The following PTPN3 variants were observed in gnomAD, a reference collection of about 807,000 sequenced individuals.
PTPN3 encodes protein tyrosine phosphatase non-receptor type 3.
A neutral mutation model predicts 132.7 loss-of-function variants in PTPN3; 96 were observed. That is an observed-to-expected ratio of 0.72 (90% confidence interval 0.61 to 0.86). The LOEUF is 0.86. Among genes scored for constraint, PTPN3 ranks in the 40% least tolerant of loss-of-function variants. The pLI is 0.00. For synonymous variants in PTPN3, 398 were observed against 429.0 expected (o/e 0.93, Z 0.89); for missense variants, 1,125 against 1,159.6 (o/e 0.97, Z 0.43).
chr9:109,438,629 C>T (rs759880551), intron 7 of PTPN3, among the ~76,000 whole-genome samples: 14 of 152,222 alleles, frequency 9.2e-5, no homozygotes, highest in East Asian at 3.8e-4. Flanking sequence ...ATGCCACACA[C>T]GGTGCAGGCT....
At chr9:109,523,631 G>T in the PTPN3 span, among the ~76,000 whole-genome samples, 1 of 152,282 alleles carries the variant, frequency 6.6e-6, no homozygotes, top group Non-Finnish European at 1.5e-5. Context: ...TTGTTGCTAT[G>T]TTGTGTGGCC....
chr9:109,410,319 A>C lies in PTPN3; in HGVS notation c.1410T>G (p.Pro470=). The C allele has an allele frequency of 1.2e-6, 2 of 1,614,224 alleles. No homozygotes were observed. The highest frequency in any genetic ancestry group is 1.7e-6 in the Non-Finnish European group (2 of 1,180,032). Reference sequence around the variant, plus strand: ...CTAAGAGCTGCTGATCAACGCCGTCAGGTGAGCAGGAGCCTGGAGCATTTG... The same window carrying C: ...CTAAGAGCTGCTGATCAACGCCGTCCGGTGAGCAGGAGCCTGGAGCATTTG... The part of the protein sequence containing the change: ...PSSNAPGSCS[P]DGVDQQLLDD... Residue 470 remains proline, a synonymous_variant, in exon 15 of 26, where the codon CCT becomes CCG. Coordinates refer to ENST00000374541, the MANE Select transcript of PTPN3 (RefSeq NM_002829.4).
intron 5 of PTPN3, chr9:109,450,522 A>G: frequency 1.0e-6 from 1 of 985,218 alleles, no homozygotes; most frequent in Non-Finnish European, 1.2e-6. Context: ...GCCTTGTCAT[A>G]TATTGAGCAA....
At chr9:109,496,185 T>G (rs1305069233) in intron 1 of PTPN3, among the ~76,000 whole-genome samples, 1 of 152,228 alleles carries the variant, frequency 6.6e-6, no homozygotes, top group Non-Finnish European at 1.5e-5. Flanking sequence ...CTACTCTAAT[T>G]CTCTGCAAAT....
intron 2 of PTPN3, among the ~76,000 whole-genome samples, chr9:109,458,151 C>T (rs1320314024): frequency 1.3e-5 from 2 of 152,138 alleles, no homozygotes; most frequent in African/African-American, 4.8e-5. Flanking sequence ...CAAAGGCCGT[C>T]GAGGGCTGTG....
intron 1 of PTPN3, among the ~76,000 whole-genome samples, chr9:109,476,174 T>C (rs1029143665): frequency 4.6e-5 from 7 of 152,120 alleles, no homozygotes; most frequent in African/African-American, 1.7e-4. Flanking sequence ...AGTGTGCCCC[T>C]AGAAACCATA....
At chr9:109,420,723 A>G (rs1038332370) in intron 13 of PTPN3, 123 bp from the exon 14 acceptor site, 1 of 1,043,286 alleles carries the variant, frequency 9.6e-7, no homozygotes, top group African/African-American at 1.6e-5. Flanking sequence ...GGAGGCTGAC[A>G]TTCAGAGCCG....
At position 109,376,113 on chromosome 9, in the gene PTPN3, A is replaced by G. The variant is rs1262615707; in HGVS notation, c.*3443T>C. ...TGTAGCAGCCATAAAGCTTTGGTTT[A>G]GGATTAATTTTGATTCTCTGGAATA... On this transcript the variant is annotated 3_prime_UTR_variant, in exon 26 of 26. Transcript: ENST00000374541. The G allele has an allele frequency of 1.3e-5, 2 of 152,250 alleles. No homozygotes were observed. Among genetic ancestry groups the G allele is most frequent in the African/African-American group, 4.8e-5 (2 of 41,466 alleles). 9.4% of individuals were successfully genotyped at this position (152,250 alleles called of 1,614,324 possible). A position where few individuals can be genotyped will look rare whatever the true frequency, so the allele number is the denominator to read the frequency against.
At chr9:109,476,012 C>T (rs1846647294) in intron 1 of PTPN3, among the ~76,000 whole-genome samples, 2 of 152,224 alleles carry the variant, frequency 1.3e-5, no homozygotes, top group African/African-American at 4.8e-5. Context: ...AGCCAGGTGA[C>T]TCGCGAAGTC....
rs1322676591 is a variant in PTPN3 at position 109,377,222 on chromosome 9, T to C, written c.*2334A>G. 2 of 152,216 alleles carry C rather than the reference T, an allele frequency of 1.3e-5. No homozygotes were observed. Among genetic ancestry groups the C allele is most frequent in the Non-Finnish European group, 1.5e-5 (1 of 68,044 alleles). The allele number at this position is 152,216 out of a possible 1,614,324, so 9.4% of individuals were successfully genotyped here. A position where few individuals can be genotyped will look rare whatever the true frequency, so the allele number is the denominator to read the frequency against. ...TGTGAGTCCAGATTATTTTGTGCTC[T>C]TGTTCTCTCTCTTCTAGAAGAGCAT... On this transcript the variant is annotated 3_prime_UTR_variant, in exon 26 of 26. Coordinates refer to ENST00000374541, the MANE Select transcript of PTPN3 (RefSeq NM_002829.4).
chr9:109,532,816 T>C, the PTPN3 span: 15 of 795,694 alleles, frequency 1.9e-5, no homozygotes, highest in South Asian at 3.2e-4. Flanking sequence ...ATGATAGAGA[T>C]GATAAGTCGG....
At chr9:109,481,941 T>C (rs1425792791) in intron 1 of PTPN3, among the ~76,000 whole-genome samples, 1 of 152,148 alleles carries the variant, frequency 6.6e-6, no homozygotes, top group African/African-American at 2.4e-5. Flanking sequence ...TGGGACATTG[T>C]GTACAGTCAG....
chr9:109,469,761 GTAACCTGTA>G (rs1356158639), intron 1 of PTPN3, among the ~76,000 whole-genome samples: 4 of 152,168 alleles, frequency 2.6e-5, no homozygotes, highest in African/African-American at 9.7e-5. Flanking sequence ...CAATTTGTAA[GTAACCTGTA>G]TAAATGAATC....
Position 109,422,698 on chromosome 9 carries a change from A to G in PTPN3, c.1136+20T>C. 1 of 1,578,358 alleles carries G rather than the reference A, an allele frequency of 6.3e-7. No homozygotes were observed. The highest frequency in any genetic ancestry group is 8.6e-7 in the Non-Finnish European group (1 of 1,164,378). The stretch of plus-strand genomic sequence containing the variant: ...TGTCTACTGTTGGGTAGTACAAAAA[A>G]AAAAAAAAGGAGGACATACCAGTTG... On this transcript the variant is annotated intron_variant, in intron 13 of 25. Transcript: ENST00000374541.
At chr9:109,418,949 G>A (rs924416162) in intron 14 of PTPN3, among the ~76,000 whole-genome samples, 2 of 152,120 alleles carry the variant, frequency 1.3e-5, no homozygotes, top group Non-Finnish European at 2.9e-5. Flanking sequence ...TGCCAAAGCC[G>A]CAGAGCCCCC....
At chr9:109,435,890 T>C (rs910106527) in intron 9 of PTPN3, among the ~76,000 whole-genome samples, 8 of 152,232 alleles carry the variant, frequency 5.3e-5, no homozygotes, top group African/African-American at 1.9e-4. Context: ...ATATCACAAC[T>C]TGCCTACCTC....
At chr9:109,535,985 A>G in the PTPN3 span, among the ~76,000 whole-genome samples, 1 of 152,192 alleles carries the variant, frequency 6.6e-6, no homozygotes, top group Non-Finnish European at 1.5e-5. Flanking sequence ...TCACCACCCC[A>G]AAAGGAAGCC....
intron 16 of PTPN3, 135 bp downstream of exon 16, chr9:109,409,864 C>T: frequency 1.4e-6 from 2 of 1,388,518 alleles, no homozygotes; most frequent in South Asian, 1.7e-5. Context: ...AAAAAAAACC[C>T]CCAACTCTCA....
Position 109,382,294 on chromosome 9 carries a change from C to A in PTPN3, c.2528+8G>T. On this transcript the variant is annotated splice_region_variant and intron_variant, in intron 24 of 25. Transcript: ENST00000374541. Reference sequence around the variant, plus strand: ...ATTCCAAACCTAACAAAACAGCAAGCGCCATACCTGCAGTGAACTAGGACG... The same window carrying A: ...ATTCCAAACCTAACAAAACAGCAAGAGCCATACCTGCAGTGAACTAGGACG... 6.2e-7 allele frequency: 1 copy of A among 1,613,208 alleles called. No individual in the cohort carries two copies. Among genetic ancestry groups the A allele is most frequent in the Admixed American group, 1.7e-5 (1 of 59,960 alleles).
Sources: allele counts gnomAD v4.1 joint callset (sites outside exome capture counted in the v4.1 genomes callset), GRCh38; gene constraint gnomAD v4.1.1; transcripts MANE v1.5; gene names NCBI Gene and HGNC (gene_info 2026-07-23, HGNC 2026-07-21).